The following LCN10 variants were observed in gnomAD, a reference collection of about 807,000 sequenced individuals.
LCN10 encodes the protein lipocalin 10.
Under a neutral mutation model 25.1 loss-of-function variants are expected in LCN10, and 18 were observed. The observed-to-expected ratio is 0.72, with a 90% confidence interval of 0.50 to 1.06. LCN10 has a LOEUF of 1.06. LCN10 is among the 50% of genes least tolerant of loss of function. The pLI, the probability that LCN10 is intolerant of heterozygous loss-of-function variation, is 0.00. For missense variants in LCN10, 257 were observed against 258.9 expected, an observed-to-expected ratio of 0.99 and a Z score of 0.05; for synonymous variants, 130 against 116.7, an observed-to-expected ratio of 1.11 and a Z score of -0.73.
At position 136,741,891 on chromosome 9, in the gene LCN10, C is replaced by T. The variant is rs149777062; in HGVS notation, c.247G>A (p.Ala83Thr). 4.1e-5 allele frequency: 66 copies of T among 1,606,074 alleles called. No individual in the cohort carries two copies. Among genetic ancestry groups the T allele is most frequent in the Middle Eastern group, 1.6e-4 (1 of 6,064 alleles). Residue 83 changes from alanine to threonine, a missense_variant, in exon 2 of 6, where the codon GCC (alanine) becomes ACC (threonine). By Grantham distance (58) the Ala-to-Thr change is moderately conservative. Transcript: ENST00000497771. ...NKVGQLRVLL[A>T]FRRLKGCQSQ... Reference sequence around the variant, plus strand: ...GCGCTGCCCACTCACCGTCTGAAGGCGAGGAGCACGCGGAGCTGGCCCACT... The same window carrying T: ...GCGCTGCCCACTCACCGTCTGAAGGTGAGGAGCACGCGGAGCTGGCCCACT...
chr9:136,739,759 G>A lies in LCN10; in HGVS notation c.574+191C>T, dbSNP rs1355716114. The A allele has an allele frequency of 8.1e-6, 6 of 739,270 alleles. No individual in the cohort carries two copies. The Admixed American group carries it at 8.7e-5, about 11-fold the overall frequency. 45.8% of individuals were successfully genotyped at this position (739,270 alleles called of 1,614,324 possible). On this transcript the variant is annotated intron_variant, in intron 5 of 5. Coordinates refer to ENST00000497771, the MANE Select transcript of LCN10 (RefSeq NM_001001712.3). This position sits in a 1 kb window ranked among gnomAD's most constrained non-coding sequence, Gnocchi z 6.1. ...GCATCTGCTCCGGACGCCTCTCGCT[G>A]TCGGTGCCAGGCCTGCCAGGCCAAG...
chr9:136,739,655 C>A lies in LCN10; in HGVS notation c.575-102G>T. ...GCCGCTCCCTGGTTCCATGCGTGCTCGTCTTGGGCACCACGAGAACACAGC... is the reference window on the plus strand; with the variant it reads ...GCCGCTCCCTGGTTCCATGCGTGCTAGTCTTGGGCACCACGAGAACACAGC... On this transcript the variant is annotated intron_variant, in intron 5 of 5. Coordinates refer to ENST00000497771, the MANE Select transcript of LCN10 (RefSeq NM_001001712.3). This position sits in a 1 kb window ranked among gnomAD's most constrained non-coding sequence, Gnocchi z 6.1. The A allele has an allele frequency of 1.8e-6, 2 of 1,124,374 alleles. No individual in the cohort carries two copies. The highest frequency in any genetic ancestry group is 2.7e-5 in the South Asian group (2 of 74,912). The allele number at this position is 1,124,374 out of a possible 1,614,324, so 69.6% of individuals were successfully genotyped here. A position where few individuals can be genotyped will look rare whatever the true frequency, so the allele number is the denominator to read the frequency against.
chr9:136,741,096 G>A lies in LCN10; in HGVS notation c.368-153C>T, dbSNP rs1336043162. ...TGCCCTCCCGGGGCCTCCCCTCCCG[G>A]GCCAGGCCGCCCAGCACATGACGTG... On this transcript the variant is annotated intron_variant, in intron 3 of 5. Transcript: ENST00000497771. 8 of 983,580 alleles carry A rather than the reference G, an allele frequency of 8.1e-6. No homozygotes were observed. In the East Asian group the frequency reaches 1.8e-4, roughly 22 times the overall value. 60.9% of individuals were successfully genotyped at this position (983,580 alleles called of 1,614,324 possible). A position where few individuals can be genotyped will look rare whatever the true frequency, so the allele number is the denominator to read the frequency against.
rs773587190 is a variant in LCN10 at position 136,741,375 on chromosome 9, G to T, written c.258-14C>A. ...CACCCCTTCAACCTGGGGCCAAGGC[G>T]GGGGCTCAGGCTGCAGACCAGGGAA... is the stretch of plus-strand genomic sequence containing the variant. On this transcript the variant is annotated splice_polypyrimidine_tract_variant and intron_variant, in intron 2 of 5. Coordinates refer to ENST00000497771, the MANE Select transcript of LCN10 (RefSeq NM_001001712.3). 1 of 1,588,504 alleles carries T rather than the reference G, an allele frequency of 6.3e-7. No homozygotes were observed. Among genetic ancestry groups the T allele is most frequent in the South Asian group, 1.1e-5 (1 of 90,512 alleles).
intron 1 of LCN10, 29 bp from the exon 2 acceptor site, chr9:136,742,049 G>A (rs1846948711): frequency 1.2e-6 from 2 of 1,610,940 alleles, no homozygotes; most frequent in Non-Finnish European, 1.7e-6. Flanking sequence ...GGCGGGGACA[G>A]GAGCTGCCAC....
chr9:136,742,856 T>TAGCACC lies in LCN10; in HGVS notation c.42_47dup (p.Val17_Leu18dup), dbSNP rs751337850. On this transcript the variant is annotated inframe_insertion, in exon 1 of 6. Transcript: ENST00000497771. ...GCACCTGGGACCCTGCAGCCAGCAC[T>TAGCACC]AGCACCAGCACCAGCACCAGCGCCA... The TAGCACC allele has an allele frequency of 1.2e-5, 19 of 1,613,332 alleles. No homozygotes were observed. Among genetic ancestry groups the TAGCACC allele is most frequent in the Admixed American group, 5.0e-5 (3 of 59,988 alleles).
rs190036171 is a variant in LCN10 at position 136,739,100 on chromosome 9, T to C, written c.*425A>G. On this transcript the variant is annotated 3_prime_UTR_variant, in exon 6 of 6. Coordinates refer to ENST00000497771, the MANE Select transcript of LCN10 (RefSeq NM_001001712.3). This position sits in a 1 kb window ranked among gnomAD's most constrained non-coding sequence, Gnocchi z 6.1. ...GGCCAGCACGCTGCCTGGCACGTCA[T>C]GGGGGCTCCTCCATGTTGGGTGGAT... is the stretch of plus-strand genomic sequence containing the variant. The C allele has an allele frequency of 2.3e-4, 50 of 220,232 alleles. No homozygotes were observed. Among genetic ancestry groups the C allele is most frequent in the African/African-American group, 1.0e-3 (45 of 43,498 alleles). 13.6% of individuals were successfully genotyped at this position (220,232 alleles called of 1,614,324 possible).
In LCN10 at chr9:136,740,424, G is replaced by T. The variant is rs535321227; in HGVS notation, c.476-376C>A. On this transcript the variant is annotated intron_variant, in intron 4 of 5. Coordinates refer to ENST00000497771, the MANE Select transcript of LCN10 (RefSeq NM_001001712.3). The surrounding 1 kb of genome is among the most constrained non-coding windows in gnomAD (Gnocchi z 5.3). ...CCACTCCTTTCCGTGTACCCCAAGTGGTTGGTGTCTAGAATTGGGTTTGTG... is the reference window on the plus strand; with the variant it reads ...CCACTCCTTTCCGTGTACCCCAAGTTGTTGGTGTCTAGAATTGGGTTTGTG... 2 of 427,188 alleles carry T rather than the reference G, an allele frequency of 4.7e-6. No homozygotes were observed. Among genetic ancestry groups the T allele is most frequent in the Non-Finnish European group, 8.7e-6 (2 of 229,050 alleles). The allele number at this position is 427,188 out of a possible 1,614,324, so 26.5% of individuals were successfully genotyped here. A position where few individuals can be genotyped will look rare whatever the true frequency, so the allele number is the denominator to read the frequency against.
At position 136,741,688 on chromosome 9, in the gene LCN10, C is replaced by T; in HGVS notation, c.257+193G>A. On this transcript the variant is annotated intron_variant, in intron 2 of 5. Transcript: ENST00000497771. Reference sequence around the variant, plus strand: ...GGGTCCCAAGGTCTGCAGGCAGCTTCCTCCCAACACCCACCCATGTGGGGT... The same window carrying T: ...GGGTCCCAAGGTCTGCAGGCAGCTTTCTCCCAACACCCACCCATGTGGGGT... 2.6e-6 allele frequency: 2 copies of T among 776,282 alleles called. 1 individual carries two copies. Among genetic ancestry groups the T allele is most frequent in the South Asian group, 3.8e-5 (2 of 53,208 alleles). 48.1% of individuals were successfully genotyped at this position (776,282 alleles called of 1,614,324 possible). A position where few individuals can be genotyped will look rare whatever the true frequency, so the allele number is the denominator to read the frequency against.
At chr9:136,742,661 TG>T in intron 1 of LCN10, 125 bp downstream of exon 1, 1 of 1,200,942 alleles carries the variant, frequency 8.3e-7, no homozygotes. Flanking sequence ...AGAGGCCAGG[TG>T]GGCAGCGCCC....
At chr9:136,742,720 C>A in intron 1 of LCN10, 67 bp downstream of exon 1, 1 of 1,570,868 alleles carries the variant, frequency 6.4e-7, no homozygotes, top group Admixed American at 1.8e-5. Flanking sequence ...TGCCGGGAGA[C>A]TGTGCAGGAG....
Position 136,740,670 on chromosome 9 carries a change from C to A in LCN10, c.475+166G>T. Reference sequence around the variant, plus strand: ...TCCTTGCTTCAGCGACCTCCAGGACCTGACTGCTGTGGTCTCGGCTTCCAT... The same window carrying A: ...TCCTTGCTTCAGCGACCTCCAGGACATGACTGCTGTGGTCTCGGCTTCCAT... On this transcript the variant is annotated intron_variant, in intron 4 of 5. Coordinates refer to ENST00000497771, the MANE Select transcript of LCN10 (RefSeq NM_001001712.3). This position sits in a 1 kb window ranked among gnomAD's most constrained non-coding sequence, Gnocchi z 5.3. 1.7e-6 allele frequency: 1 copy of A among 597,754 alleles called. No homozygotes were observed. Among genetic ancestry groups the A allele is most frequent in the Non-Finnish European group, 3.0e-6 (1 of 337,308 alleles). 37.0% of individuals were successfully genotyped at this position (597,754 alleles called of 1,614,324 possible).
chr9:136,742,191 C>A, intron 1 of LCN10, 171 bp from the exon 2 acceptor site: 1 of 772,756 alleles, frequency 1.3e-6, no homozygotes, highest in Non-Finnish European at 2.0e-6. Flanking sequence ...GCCACTGGAG[C>A]AGGGCTGCAG....
intron 2 of LCN10, 93 bp downstream of exon 2, chr9:136,741,788 C>G: frequency 6.9e-7 from 1 of 1,457,016 alleles, no homozygotes. Flanking sequence ...AACTTCCAGA[C>G]AGACAGGCTC....
chr9:136,739,743 C>T lies in LCN10; in HGVS notation c.575-190G>A. The T allele has an allele frequency of 1.4e-6, 1 of 733,214 alleles. No homozygotes were observed. Among genetic ancestry groups the T allele is most frequent in the Non-Finnish European group, 2.4e-6 (1 of 424,310 alleles). 45.4% of individuals were successfully genotyped at this position (733,214 alleles called of 1,614,324 possible). A position where few individuals can be genotyped will look rare whatever the true frequency, so the allele number is the denominator to read the frequency against. On this transcript the variant is annotated intron_variant, in intron 5 of 5. Transcript: ENST00000497771. This position sits in a 1 kb window ranked among gnomAD's most constrained non-coding sequence, Gnocchi z 6.1. Reference sequence around the variant, plus strand: ...CGCCTGGTCGGATGCAGCATCTGCTCCGGACGCCTCTCGCTGTCGGTGCCA... The same window carrying T: ...CGCCTGGTCGGATGCAGCATCTGCTTCGGACGCCTCTCGCTGTCGGTGCCA...
chr9:136,742,746 G>A (rs778636349), intron 1 of LCN10, 41 bp downstream of exon 1: 39 of 1,609,066 alleles, frequency 2.4e-5, no homozygotes, highest in Non-Finnish European at 3.3e-5. Flanking sequence ...TCCAGCTCCA[G>A]AGCCGGCGCC....
In LCN10 at chr9:136,739,985, C is replaced by T. The variant is rs1207903927; in HGVS notation, c.539G>A (p.Gly180Glu). 7 of 1,592,670 alleles carry T rather than the reference C, an allele frequency of 4.4e-6. No individual in the cohort carries two copies. The highest frequency in any genetic ancestry group is 6.0e-6 in the Non-Finnish European group (7 of 1,169,478). ...KEFMDACDILGLSKAAVILPK... is the reference protein window; with the variant it reads ...KEFMDACDILELSKAAVILPK... ...GAGGATGACGGCGGCCTTGGAGAGC[C>T]CCAGAATGTCACAAGCGTCCATGAA... The change falls in exon 5 of 6, where the codon GGG (glycine) becomes GAG (glutamate). Residue 180 changes from glycine to glutamate, a missense_variant. Physicochemically the swap from Gly to Glu is moderately conservative, Grantham distance 98. Transcript: ENST00000497771. The surrounding 1 kb of genome is among the most constrained non-coding windows in gnomAD (Gnocchi z 6.1).
chr9:136,740,087 C>T lies in LCN10; in HGVS notation c.476-39G>A, dbSNP rs1281899259. 1 of 1,409,372 alleles carries T rather than the reference C, an allele frequency of 7.1e-7. No homozygotes were observed. Among genetic ancestry groups the T allele is most frequent in the African/African-American group, 1.4e-5 (1 of 70,210 alleles). The allele number at this position is 1,409,372 out of a possible 1,614,324, so 87.3% of individuals were successfully genotyped here. A position where few individuals can be genotyped will look rare whatever the true frequency, so the allele number is the denominator to read the frequency against. On this transcript the variant is annotated intron_variant, in intron 4 of 5. Coordinates refer to ENST00000497771, the MANE Select transcript of LCN10 (RefSeq NM_001001712.3). The surrounding 1 kb of genome is among the most constrained non-coding windows in gnomAD (Gnocchi z 5.3). ...CAGGATCACATCAGAGACTCCAGCT[C>T]TGGCCATTTTAGGGTCTGCACCCTG...
At chr9:136,742,671 C>T in intron 1 of LCN10, 116 bp downstream of exon 1, 2 of 1,308,588 alleles carry the variant, frequency 1.5e-6, no homozygotes, top group Non-Finnish European at 2.1e-6. Flanking sequence ...TGGGCAGCGC[C>T]CGTGCCTGGA....
Sources: gnomAD v4.1 joint callset for allele counts on GRCh38, gnomAD v4.1.1 for gene constraint, Gnocchi (gnomAD v3.1) non-coding constraint, MANE v1.5 for transcripts, NCBI Gene and HGNC (gene_info 2026-07-23, HGNC 2026-07-21) for gene names.